EBF3: variants seen among roughly 807,000 people sequenced by gnomAD.
EBF3 encodes the protein EBF transcription factor 3.
A neutral mutation model predicts 77.1 loss-of-function variants in EBF3; 18 were observed. The observed-to-expected ratio is 0.23, with a 90% confidence interval of 0.16 to 0.35. EBF3 has a LOEUF of 0.35. EBF3 is among the 10% of genes least tolerant of loss of function. EBF3 has a pLI of 1.00. For missense variants in EBF3, 558 were observed against 860.0 expected, an observed-to-expected ratio of 0.65 and a Z score of 4.39; for synonymous variants, 350 against 343.5, an observed-to-expected ratio of 1.02 and a Z score of -0.21.
At chr10:129,838,851 C>T (rs1427393571) in intron 16 of EBF3, among the ~76,000 whole-genome samples, 1 of 152,246 alleles carries the variant, frequency 6.6e-6, no homozygotes, top group Non-Finnish European at 1.5e-5. Flanking sequence ...ACCGTTACAA[C>T]TTTACGGTTT....
intron 6 of EBF3, among the ~76,000 whole-genome samples, chr10:129,951,312 G>C (rs941314949): frequency 3.4e-4 from 52 of 152,296 alleles, no homozygotes; most frequent in African/African-American, 1.2e-3. Flanking sequence ...ACAATTACAG[G>C]CACTGCAATA....
intron 6 of EBF3, among the ~76,000 whole-genome samples, chr10:129,934,752 G>A (rs978500194): frequency 7.9e-5 from 12 of 152,170 alleles, no homozygotes; most frequent in African/African-American, 2.9e-4. Context: ...CCAGGTGACA[G>A]GCACGATTTC....
intron 6 of EBF3, among the ~76,000 whole-genome samples, chr10:129,894,351 C>A (rs1057062549): frequency 2.0e-5 from 3 of 152,204 alleles, no homozygotes; most frequent in Non-Finnish European, 4.4e-5. Context: ...TTAGTCACAA[C>A]GAGGGCTGAG....
rs879442741 is a variant in EBF3, at chr10:129,943,198, G to A, written c.554+14060C>T. 1.2e-4 allele frequency among the ~76,000 whole-genome samples: 19 copies of A among 152,216 alleles called. No homozygotes were observed. Among genetic ancestry groups the A allele is most frequent in the Admixed American group, 9.8e-4 (15 of 15,286 alleles). ...GCCAGGCAGCTCTTCATTGGGGCCA[G>A]GCCTGACCCGGCCTTCCCAGTTGGA... On this transcript the variant is annotated intron_variant, in intron 6 of 16. Transcript: ENST00000440978. This position sits in a 1 kb window ranked among gnomAD's most constrained non-coding sequence, Gnocchi z 8.8.
At chr10:129,884,544 G>A (rs1175238913) in intron 6 of EBF3, among the ~76,000 whole-genome samples, 2 of 152,110 alleles carry the variant, frequency 1.3e-5, no homozygotes, top group African/African-American at 4.8e-5. Context: ...TTAAATTCTT[G>A]TACATTTCAA....
Position 129,842,242 on chromosome 10 carries a change from G to T in EBF3, c.1246C>A (p.Pro416Thr). The change falls in exon 13 of 17, where the codon CCC (proline) becomes ACC (threonine). Residue 416 changes from proline (P) to threonine (T), a missense_variant. By Grantham distance (38) the Pro-to-Thr change is conservative (BLOSUM62 -1). Coordinates refer to ENST00000440978, the MANE Select transcript of EBF3 (RefSeq NM_001375380.1). This position sits in a 1 kb window ranked among gnomAD's most constrained non-coding sequence, Gnocchi z 4.4. ...ADIAEALYSV[P>T]RNHNQIPTLG... The stretch of plus-strand genomic sequence containing the variant: ...GTGGGGATCTGGTTGTGATTGCGGG[G>T]AACGCTGTACAGCGCCTCGGCGATG... 1 of 1,613,870 alleles carries T rather than the reference G, an allele frequency of 6.2e-7. No homozygotes were observed. Among genetic ancestry groups the T allele is most frequent in the Non-Finnish European group, 8.5e-7 (1 of 1,179,894 alleles).
intron 6 of EBF3, among the ~76,000 whole-genome samples, chr10:129,928,961 T>C (rs1471617508): frequency 6.6e-6 from 1 of 152,212 alleles, no homozygotes; most frequent in East Asian, 1.9e-4. Context: ...TTTGTGGCAA[T>C]ATTAGTAAAA....
chr10:129,907,266 G>A (rs1245106095), intron 6 of EBF3, among the ~76,000 whole-genome samples: 1 of 152,240 alleles, frequency 6.6e-6, no homozygotes, highest in Non-Finnish European at 1.5e-5. Context: ...GCCCCTGTTT[G>A]CAGCTCTCCA....
chr10:129,913,714 G>C (rs1855680488), intron 6 of EBF3, among the ~76,000 whole-genome samples: 1 of 152,254 alleles, frequency 6.6e-6, no homozygotes, highest in Non-Finnish European at 1.5e-5. Flanking sequence ...GGGCCCAGGG[G>C]TCTGGCTGTG....
At chr10:129,896,282 T>C (rs997484949) in intron 6 of EBF3, among the ~76,000 whole-genome samples, 2 of 152,210 alleles carry the variant, frequency 1.3e-5, no homozygotes, top group African/African-American at 4.8e-5. Flanking sequence ...GCCTCAGTGG[T>C]CATAGCAGCC....
intron 6 of EBF3, among the ~76,000 whole-genome samples, chr10:129,922,905 G>A (rs1856410803): frequency 6.6e-6 from 1 of 152,104 alleles, no homozygotes; most frequent in African/African-American, 2.4e-5. Flanking sequence ...TCAGGGTGAG[G>A]CCCCCCCGAC....
chr10:129,962,845 C>T (rs1365077360), intron 3 of EBF3, 97 bp downstream of exon 3: 1 of 1,422,488 alleles, frequency 7.0e-7, no homozygotes, highest in Non-Finnish European at 9.8e-7. Context: ...GTGTTTACAT[C>T]CATGTCATTT....
At chr10:129,899,672 C>T (rs1246489452) in intron 6 of EBF3, among the ~76,000 whole-genome samples, 2 of 152,148 alleles carry the variant, frequency 1.3e-5, no homozygotes, top group Non-Finnish European at 2.9e-5. Flanking sequence ...TGAGGACACA[C>T]CAGGGGCCAC....
chr10:129,963,097 C>T lies in EBF3; in HGVS notation c.292-92G>A, dbSNP rs528904996. Reference sequence around the variant, plus strand: ...CCCCTCCGCGACCGAGGCTCTCGGCCTCACACATGGCAGGATTCCTAGCTC... The same window carrying T: ...CCCCTCCGCGACCGAGGCTCTCGGCTTCACACATGGCAGGATTCCTAGCTC... On this transcript the variant is annotated intron_variant, in intron 2 of 16. Coordinates refer to ENST00000440978, the MANE Select transcript of EBF3 (RefSeq NM_001375380.1). The surrounding 1 kb of genome is among the most constrained non-coding windows in gnomAD (Gnocchi z 7.1). The T allele has an allele frequency of 1.2e-5, 18 of 1,487,048 alleles. No individual in the cohort carries two copies. Among genetic ancestry groups the T allele is most frequent in the African/African-American group, 2.8e-5 (2 of 72,464 alleles). The allele number at this position is 1,487,048 out of a possible 1,614,324, so 92.1% of individuals were successfully genotyped here.
At chr10:129,839,455 T>C (rs1849847817) in intron 15 of EBF3, among the ~76,000 whole-genome samples, 1 of 152,216 alleles carries the variant, frequency 6.6e-6, no homozygotes, top group South Asian at 2.1e-4. Flanking sequence ...ACAGCTCAGA[T>C]GGGCCAGGCG....
intron 6 of EBF3, among the ~76,000 whole-genome samples, chr10:129,881,083 T>C (rs540484791): frequency 2.0e-5 from 3 of 152,344 alleles, no homozygotes; most frequent in South Asian, 2.1e-4. Context: ...ACTTTACATA[T>C]CTCACTTCTA....
intron 6 of EBF3, among the ~76,000 whole-genome samples, chr10:129,924,437 A>C (rs1398732355): frequency 2.7e-5 from 4 of 149,616 alleles, no homozygotes; most frequent in African/African-American, 9.9e-5. Context: ...CAACAAAAAA[A>C]AAAAAAAACA....
intron 6 of EBF3, among the ~76,000 whole-genome samples, chr10:129,923,220 G>C (rs942794110): frequency 3.3e-5 from 5 of 152,344 alleles, no homozygotes; most frequent in African/African-American, 1.2e-4. Context: ...CTCGGTGACA[G>C]AAGCTGCTCA....
chr10:129,878,546 A>G (rs11016998), intron 6 of EBF3, among the ~76,000 whole-genome samples: 29,150 of 151,202 alleles, frequency 0.19, 2,943 homozygotes, highest in African/African-American at 0.25. Context: ...GCATGTGCCT[A>G]TAATCCCAGC....
Sources: gnomAD v4.1 joint callset for allele counts (sites outside exome capture counted in the v4.1 genomes callset) on GRCh38, gnomAD v4.1.1 for gene constraint, Gnocchi (gnomAD v3.1) non-coding constraint, MANE v1.5 for transcripts, NCBI Gene and HGNC (gene_info 2026-07-23, HGNC 2026-07-21) for gene names.